The following NCOR2 variants were observed in gnomAD, a reference collection of about 807,000 sequenced individuals.
The protein encoded by NCOR2 is nuclear receptor corepressor 2.
A neutral mutation model predicts 262.9 loss-of-function variants in NCOR2; 81 were observed. The ratio of observed to expected loss-of-function variants is 0.31; its 90% CI spans 0.26 to 0.37. The LOEUF is 0.37. NCOR2 is among the 10% of genes least tolerant of loss of function. The pLI is 1.00. For synonymous variants in NCOR2, 1,659 were observed against 1,559.3 expected, an observed-to-expected ratio of 1.06 and a Z score of -1.51; for missense variants, 3,385 against 3,621.4, an observed-to-expected ratio of 0.93 and a Z score of 1.68.
chr12:124,426,822 G>T, intron 10 of NCOR2, 22 bp from the exon 13 acceptor site: 1 of 1,552,760 alleles, frequency 6.4e-7, no homozygotes, highest in South Asian at 1.2e-5. Flanking sequence ...CGGAGGGCAG[G>T]GTCAGAGGCC....
intron 22 of NCOR2, among the ~76,000 whole-genome samples, chr12:124,357,937 G>C (rs1475080024): frequency 3.9e-5 from 6 of 151,926 alleles, no homozygotes; most frequent in African/African-American, 1.4e-4. Context: ...GTGCATGTGT[G>C]TGTGAGTGCA....
Position 124,483,622 on chromosome 12 carries a change from G to A in NCOR2, c.385C>T (p.Pro129Ser). ...TTGGTGAGGTCTTCAGATCCCGCAG[G>A]CTGGCCCGTGGCCAGCAGGGGTGAC... Residue 129 changes from proline (P) to serine (S), a missense_variant, in exon 3 of 47, where the codon CCT becomes TCT. Pro to Ser is a moderately conservative substitution (Grantham distance 74). Around this residue, in one of 5 missense-constraint regions of NCOR2, gnomAD observed 237 missense variants for 229.4 expected, o/e 1.03. Transcript: ENST00000405201. The surrounding 1 kb of genome is among the most constrained non-coding windows in gnomAD (Gnocchi z 6.3). 2 of 1,607,788 alleles carry A rather than the reference G, an allele frequency of 1.2e-6. No individual in the cohort carries two copies. Among genetic ancestry groups the A allele is most frequent in the Non-Finnish European group, 8.5e-7 (1 of 1,177,360 alleles).
intron 13 of NCOR2, among the ~76,000 whole-genome samples, chr12:124,405,542 G>C (rs2042228217): frequency 6.6e-6 from 1 of 152,238 alleles, no homozygotes; most frequent in Non-Finnish European, 1.5e-5. Context: ...GAGTCCGGTG[G>C]GGGAAGATGA....
rs572372324 is a variant in NCOR2, at chr12:124,365,040, C to T, written c.2808-1241G>A. Among the ~76,000 whole-genome samples the T allele has an allele frequency of 3.8e-4, 58 of 151,416 alleles. 1 individual carries two copies. The highest frequency in any genetic ancestry group is 6.8e-3 in the Middle Eastern group (2 of 294). ...GGGGGTATGGAGGTGGCCTGGCCTG[C>T]GTTTGCAGGTATGGAGATGGCCCGG... On this transcript the variant is annotated intron_variant, in intron 20 of 46. Transcript: ENST00000405201.
rs553018561 is a variant in NCOR2, at chr12:124,460,480, G to T, written c.706-3318C>A. Among the ~76,000 whole-genome samples, 11 of 152,334 alleles carry T rather than the reference G, an allele frequency of 7.2e-5. No individual in the cohort carries two copies. In the South Asian group the frequency reaches 2.1e-3, roughly 29 times the overall value. On this transcript the variant is annotated intron_variant, in intron 5 of 46. Transcript: ENST00000405201. ...TATCGTCCAGCAGGGCCCAGCACAGGGTTGAGGGCAGTGGGCACTTTCTCC... is the reference window on the plus strand; with the variant it reads ...TATCGTCCAGCAGGGCCCAGCACAGTGTTGAGGGCAGTGGGCACTTTCTCC...
intron 13 of NCOR2, 70 bp downstream of exon 15, chr12:124,419,887 G>T: frequency 7.1e-7 from 1 of 1,405,888 alleles, no homozygotes. Context: ...CGGGGTGCTG[G>T]CCACCAAGCA....
At chr12:124,377,178 T>C (rs1565889593) in intron 18 of NCOR2, among the ~76,000 whole-genome samples, 1 of 152,326 alleles carries the variant, frequency 6.6e-6, no homozygotes, top group East Asian at 1.9e-4. Context: ...ACACAGCTCA[T>C]GTGGTCACAG....
chr12:124,500,886 G>T (rs550033091), intron 1 of NCOR2, among the ~76,000 whole-genome samples: 17 of 152,152 alleles, frequency 1.1e-4, no homozygotes, highest in African/African-American at 2.9e-4. Context: ...GCGCTCAGCC[G>T]CGGGCTGTGG....
chr12:124,430,548 C>T (rs772436099), intron 9 of NCOR2, 67 bp downstream of exon 11: 8 of 1,539,912 alleles, frequency 5.2e-6, no homozygotes, highest in Non-Finnish European at 7.0e-6. Flanking sequence ...CAGGCCATCT[C>T]TACTGAGGAT....
At chr12:124,420,040 C>T (rs754030327) in exon 13 of NCOR2, 117 of 1,612,962 alleles carry the variant, frequency 7.3e-5, no homozygotes, top group East Asian at 6.9e-4. Context: ...TAATAGAGGA[C>T]GCACTCAGCC....
intron 1 of NCOR2, among the ~76,000 whole-genome samples, chr12:124,493,486 C>T (rs777754413): frequency 2.0e-5 from 3 of 152,236 alleles, no homozygotes; most frequent in South Asian, 2.1e-4. Flanking sequence ...ACTCTCAGTA[C>T]CCCCACTTTA....
At chr12:124,472,675 C>T (rs539802636) in intron 4 of NCOR2, among the ~76,000 whole-genome samples, 2 of 152,300 alleles carry the variant, frequency 1.3e-5, no homozygotes, top group African/African-American at 4.8e-5. Context: ...ACATTTAATA[C>T]GTATATTAAA....
rs1472186375 is a variant in NCOR2 at position 124,483,421 on chromosome 12, C to A, written c.411+175G>T. ...CCCACACTCTGGCACCTCCAGAGACCCAGCGCCTGCCCTCTTCCTGCCACC... is the reference window on the plus strand; with the variant it reads ...CCCACACTCTGGCACCTCCAGAGACACAGCGCCTGCCCTCTTCCTGCCACC... On this transcript the variant is annotated intron_variant, in intron 3 of 46. Transcript: ENST00000405201. This position sits in a 1 kb window ranked among gnomAD's most constrained non-coding sequence, Gnocchi z 6.3. 1.3e-5 allele frequency among the ~76,000 whole-genome samples: 2 copies of A among 152,190 alleles called. No homozygotes were observed. Among genetic ancestry groups the A allele is most frequent in the Non-Finnish European group, 2.9e-5 (2 of 68,028 alleles).
chr12:124,388,759 G>A (rs1565899707), intron 16 of NCOR2: 2 of 1,304,120 alleles, frequency 1.5e-6, no homozygotes, highest in South Asian at 1.2e-5. Context: ...CAGGGAGCGG[G>A]CCGAAGTGGG....
At position 124,551,882 on chromosome 12, in the gene NCOR2, G is replaced by A. The variant is rs189376102; in HGVS notation, c.-165+15426C>T. On this transcript the variant is annotated intron_variant, in intron 1 of 32. Transcript: ENST00000458234. ...GAACACCCGCCCCTTGGGAAAGGCC[G>A]CGGCTCCAAGAGCCCACATGGGAGA... 2.7e-3 allele frequency among the ~76,000 whole-genome samples: 405 copies of A among 152,318 alleles called. 4 individuals are homozygous for A. Among genetic ancestry groups the A allele is most frequent in the Non-Finnish European group, 3.2e-3 (221 of 68,030 alleles).
At chr12:124,518,923 C>T (rs556036959) in intron 1 of NCOR2, among the ~76,000 whole-genome samples, 11 of 152,200 alleles carry the variant, frequency 7.2e-5, no homozygotes, top group African/African-American at 1.2e-4. Flanking sequence ...ATCCCTCCCC[C>T]GTCCTCTGTC....
At chr12:124,489,449 G>T (rs1025173133) in intron 1 of NCOR2, among the ~76,000 whole-genome samples, 1 of 152,182 alleles carries the variant, frequency 6.6e-6, no homozygotes, top group Non-Finnish European at 1.5e-5. Context: ...GCAATAAGGG[G>T]TACGTTCTGA....
chr12:124,418,433 AAC>A (rs2043024915), intron 13 of NCOR2, among the ~76,000 whole-genome samples: 1 of 151,590 alleles, frequency 6.6e-6, no homozygotes, highest in South Asian at 2.1e-4. Flanking sequence ...GGCTGGTCTC[AAC>A]ACCTTATGGG....
Position 124,440,606 on chromosome 12 carries a change from G to T in NCOR2, c.816-2610C>A, listed in dbSNP as rs118013669. On this transcript the variant is annotated intron_variant, in intron 7 of 46. Transcript: ENST00000405201. The surrounding 1 kb of genome is among the most constrained non-coding windows in gnomAD (Gnocchi z 5.7). ...ACTGTTTACTGAGCATCTACTATGT[G>T]CCAGGCACTGTTCCAGGTGCTGGGG... Among the ~76,000 whole-genome samples, 25 of 152,354 alleles carry T rather than the reference G, an allele frequency of 1.6e-4. No individual in the cohort carries two copies. Among genetic ancestry groups the T allele is most frequent in the East Asian group, 3.9e-4 (2 of 5,188 alleles).
Sources: allele counts gnomAD v4.1 joint callset (sites outside exome capture counted in the v4.1 genomes callset), GRCh38; gene constraint gnomAD v4.1.1; regional missense constraint gnomAD v4.1.1; non-coding constraint Gnocchi (gnomAD v3.1); transcripts MANE v1.5; gene names NCBI Gene and HGNC (gene_info 2026-07-23, HGNC 2026-07-21).